Variants in ARFGEF3 observed in about 807,000 individuals in gnomAD.
ARFGEF3 encodes brefeldin A-inhibited guanine nucleotide-exchange protein 3.
A neutral mutation model predicts 221.7 loss-of-function variants in ARFGEF3; 96 were observed. The observed-to-expected ratio is 0.43, with a 90% confidence interval of 0.37 to 0.51. ARFGEF3 has a LOEUF of 0.51. ARFGEF3 is among the 20% of genes least tolerant of loss of function. The pLI, the probability that ARFGEF3 is intolerant of heterozygous loss-of-function variation, is 0.00. For missense variants in ARFGEF3, 2,410 were observed against 2,789.9 expected, an observed-to-expected ratio of 0.86 and a Z score of 3.07; for synonymous variants, 1,145 against 1,126.8, an observed-to-expected ratio of 1.02 and a Z score of -0.32.
chr6:138,279,929 C>G, intron 13 of ARFGEF3, 70 bp from the exon 14 acceptor site: 2 of 1,483,090 alleles, frequency 1.3e-6, no homozygotes, highest in Non-Finnish European at 1.9e-6. Context: ...GAAGAGGCAG[C>G]AGAGGCACTT....
intron 22 of ARFGEF3, among the ~76,000 whole-genome samples, chr6:138,303,200 C>G (rs1302786536): frequency 1.3e-5 from 2 of 152,018 alleles, no homozygotes; most frequent in Non-Finnish European, 2.9e-5. Flanking sequence ...ATTGAAGATT[C>G]ATGTTATAAT....
chr6:138,251,450 A>G (rs1004946012), intron 8 of ARFGEF3, among the ~76,000 whole-genome samples: 6 of 152,210 alleles, frequency 3.9e-5, no homozygotes, highest in Non-Finnish European at 1.5e-5. Context: ...ATGGCTTACA[A>G]TTGACACCAT....
Position 138,329,297 on chromosome 6 carries a change from C to G in ARFGEF3, c.5123+1155C>G, listed in dbSNP as rs199532454. ...AGGTATTCCTACTCCCATTTCACCC[C>G]TGAGGGCACATACAGAGAGGCTTGG... is the stretch of plus-strand genomic sequence containing the variant. On this transcript the variant is annotated intron_variant, in intron 32 of 33. Transcript: ENST00000251691. 2.0e-5 allele frequency among the ~76,000 whole-genome samples: 3 copies of G among 152,286 alleles called. No homozygotes were observed. The East Asian group carries it at 5.8e-4, about 29-fold the overall frequency.
At chr6:138,300,649 A>C (rs1443286480) in intron 22 of ARFGEF3, among the ~76,000 whole-genome samples, 1 of 152,196 alleles carries the variant, frequency 6.6e-6, no homozygotes, top group Admixed American at 6.5e-5. Flanking sequence ...GATTTTTGCC[A>C]TCACAGCAAA....
chr6:138,302,590 G>A (rs529331839), intron 22 of ARFGEF3, among the ~76,000 whole-genome samples: 5 of 152,240 alleles, frequency 3.3e-5, no homozygotes, highest in African/African-American at 4.8e-5. Flanking sequence ...CAATAGACAC[G>A]TTATAGTCAA....
At position 138,337,484 on chromosome 6, in the gene ARFGEF3, AAGGGAGC is replaced by A. The variant is rs1402476279; in HGVS notation, c.*1005_*1011del. The A allele has an allele frequency of 6.6e-6, 1 of 152,622 alleles. No homozygotes were observed. Among genetic ancestry groups the A allele is most frequent in the East Asian group, 1.9e-4 (1 of 5,202 alleles). 9.5% of individuals were successfully genotyped at this position (152,622 alleles called of 1,614,324 possible). ...ACGCTTGGAGGAAAGGGACTCAGGG[AAGGGAGC>A]AGGGAGTGTGGGGTGGGGATGGATT... On this transcript the variant is annotated 3_prime_UTR_variant, in exon 34 of 34. Coordinates refer to ENST00000251691, the MANE Select transcript of ARFGEF3 (RefSeq NM_020340.5).
At chr6:138,240,594 G>A (rs973846616) in intron 6 of ARFGEF3, among the ~76,000 whole-genome samples, 2 of 152,044 alleles carry the variant, frequency 1.3e-5, no homozygotes, top group African/African-American at 2.4e-5. Flanking sequence ...TGCTCATCAC[G>A]GACCATCTGG....
chr6:138,205,637 A>G (rs1193541422), intron 2 of ARFGEF3, among the ~76,000 whole-genome samples: 1 of 152,260 alleles, frequency 6.6e-6, no homozygotes, highest in African/African-American at 2.4e-5. Context: ...GTAAGATAAC[A>G]GTGACAAAGT....
chr6:138,322,455 A>G (rs1780049730), intron 29 of ARFGEF3, among the ~76,000 whole-genome samples: 1 of 152,188 alleles, frequency 6.6e-6, no homozygotes, highest in Admixed American at 6.5e-5. Context: ...GCCAAACTGT[A>G]TCAGTGTCCA....
At chr6:138,211,670 A>G (rs1401743412) in intron 4 of ARFGEF3, among the ~76,000 whole-genome samples, 1 of 152,234 alleles carries the variant, frequency 6.6e-6, no homozygotes, top group Non-Finnish European at 1.5e-5. Flanking sequence ...TCTCCCAGGA[A>G]TAGTTTTTGT....
rs1780412419 is a variant in ARFGEF3, at chr6:138,340,625, C to G, written c.*4139C>G. The G allele has an allele frequency of 6.6e-6, 1 of 152,150 alleles. No individual in the cohort carries two copies. The highest frequency in any genetic ancestry group is 6.5e-5 in the Admixed American group (1 of 15,276). The allele number at this position is 152,150 out of a possible 1,614,324, so 9.4% of individuals were successfully genotyped here. A position where few individuals can be genotyped will look rare whatever the true frequency, so the allele number is the denominator to read the frequency against. ...CTTACCTGTATTATCACACGTAGTC[C>G]TCACAACAACCTTGTGAGACAAGTG... On this transcript the variant is annotated 3_prime_UTR_variant, in exon 34 of 34. Transcript: ENST00000251691.
At chr6:138,292,145 T>C in intron 19 of ARFGEF3, 92 bp downstream of exon 19, 1 of 1,083,542 alleles carries the variant, frequency 9.2e-7, no homozygotes. Flanking sequence ...GACGACCCAT[T>C]TGTTAGCCAA....
chr6:138,253,940 C>G lies in ARFGEF3; in HGVS notation c.726C>G (p.Ser242=). 6.3e-7 allele frequency: 1 copy of G among 1,598,634 alleles called. No individual in the cohort carries two copies. The highest frequency in any genetic ancestry group is 1.7e-4 in the Middle Eastern group (1 of 6,044). The change falls in exon 9 of 34, where the codon TCC becomes TCG. Residue 242 remains serine, a synonymous_variant. Coordinates refer to ENST00000251691, the MANE Select transcript of ARFGEF3 (RefSeq NM_020340.5). ...GCATCCTGTCTGTGCTCAGCAGCTC[C>G]TCCTCCTCCATGCACCTGCACAGGC... ...LECILSVLSS[S]SSSMHLHRRF... is the part of the protein sequence containing the mutation.
At chr6:138,222,689 A>T (rs1315802600) in intron 4 of ARFGEF3, among the ~76,000 whole-genome samples, 1 of 152,220 alleles carries the variant, frequency 6.6e-6, no homozygotes, top group Non-Finnish European at 1.5e-5. Flanking sequence ...AAAGTAAGAA[A>T]AAAGGTTTGT....
chr6:138,223,631 A>G (rs925627097), intron 4 of ARFGEF3, among the ~76,000 whole-genome samples: 4 of 152,318 alleles, frequency 2.6e-5, no homozygotes, highest in East Asian at 1.9e-4. Context: ...TGTTCATTCA[A>G]TATGCCCTCA....
chr6:138,342,303 T>C lies in ARFGEF3; in HGVS notation c.*5817T>C, dbSNP rs1235465112. On this transcript the variant is annotated 3_prime_UTR_variant, in exon 34 of 34. Coordinates refer to ENST00000251691, the MANE Select transcript of ARFGEF3 (RefSeq NM_020340.5). The stretch of plus-strand genomic sequence containing the variant: ...TACTGCTGTTTTGGGAACTATGCTT[T>C]GAGAACCACTGCCTTGAAAAAATTT... The C allele has an allele frequency of 6.6e-6, 1 of 152,212 alleles. No homozygotes were observed. Among genetic ancestry groups the C allele is most frequent in the Non-Finnish European group, 1.5e-5 (1 of 68,036 alleles). 9.4% of individuals were successfully genotyped at this position (152,212 alleles called of 1,614,324 possible).
rs952834056 is a variant in ARFGEF3 at position 138,291,968 on chromosome 6, C to G, written c.3283C>G (p.Arg1095Gly). Residue 1095 changes from arginine (R) to glycine (G), a missense_variant, in exon 19 of 34, where the codon CGG (arginine) becomes GGG (glycine). By Grantham distance (125) the Arg-to-Gly change is moderately radical. Transcript: ENST00000251691. This position sits in a 1 kb window ranked among gnomAD's most constrained non-coding sequence, Gnocchi z 4.5. ...QDLVREGSRGRASDFRGGSLM... is the reference protein window; with the variant it reads ...QDLVREGSRGGASDFRGGSLM... ...CCTCGTCCGGGAAGGCAGCCGGGGT[C>G]GGGCCTCCGACTTCCGCGGCGGGAG... 14 of 1,533,588 alleles carry G rather than the reference C, an allele frequency of 9.1e-6. No homozygotes were observed. Among genetic ancestry groups the G allele is most frequent in the Non-Finnish European group, 1.2e-5 (14 of 1,142,534 alleles). The allele number at this position is 1,533,588 out of a possible 1,614,324, so 95.0% of individuals were successfully genotyped here.
intron 12 of ARFGEF3, among the ~76,000 whole-genome samples, chr6:138,266,195 C>T (rs566905401): frequency 7.3e-5 from 11 of 150,992 alleles, no homozygotes; most frequent in Admixed American, 2.6e-4. Flanking sequence ...CCTGGGCAAC[C>T]GAGCAAGACC....
At chr6:138,189,679 A>C (rs1777258025) in intron 2 of ARFGEF3, among the ~76,000 whole-genome samples, 1 of 152,206 alleles carries the variant, frequency 6.6e-6, no homozygotes, top group South Asian at 2.1e-4. Flanking sequence ...CAGGAAGGAA[A>C]GTCGTTTTAC....
Sources: allele counts gnomAD v4.1 joint callset (sites outside exome capture counted in the v4.1 genomes callset), GRCh38; gene constraint gnomAD v4.1.1; non-coding constraint Gnocchi (gnomAD v3.1); transcripts MANE v1.5; gene names NCBI Gene and HGNC (gene_info 2026-07-23, HGNC 2026-07-21).